The following B3GNT7 variants were observed in gnomAD, a reference collection of about 807,000 sequenced individuals.
B3GNT7 encodes UDP-GlcNAc:betaGal beta-1,3-N-acetylglucosaminyltransferase 7.
In B3GNT7, 9 loss-of-function variants were observed where a neutral mutation model predicts 5.1. The observed-to-expected ratio is 1.77, with a 90% CI of 1.07 to 3.09. The LOEUF is 3.09. B3GNT7 is among the 30% of genes most tolerant of loss of function. B3GNT7 has a pLI of 0.00. For missense variants in B3GNT7, 468 were observed against 550.8 expected (o/e 0.85, Z 1.50); for synonymous variants, 253 against 248.6 (o/e 1.02, Z -0.17).
Position 231,400,763 on chromosome 2 carries a change from C to T in B3GNT7, c.*1838C>T, listed in dbSNP as rs568648206. ...GTTGTCCTTCCCAGCTTCTCCCCAA[C>T]CTCCCCTTTTCCCTAGTTTATAAGA... On this transcript the variant is annotated 3_prime_UTR_variant, in exon 2 of 2. Coordinates refer to ENST00000287590, the MANE Select transcript of B3GNT7 (RefSeq NM_145236.3). 6.6e-6 allele frequency: 1 copy of T among 152,306 alleles called. No homozygotes were observed. The highest frequency in any genetic ancestry group is 1.5e-5 in the Non-Finnish European group (1 of 68,028). The allele number at this position is 152,306 out of a possible 1,614,324, so 9.4% of individuals were successfully genotyped here. A position where few individuals can be genotyped will look rare whatever the true frequency, so the allele number is the denominator to read the frequency against.
In B3GNT7 at chr2:231,398,298, G is replaced by T; in HGVS notation, c.579G>T (p.Leu193=). The T allele has an allele frequency of 6.2e-7, 1 of 1,613,158 alleles. No individual in the cohort carries two copies. The highest frequency in any genetic ancestry group is 2.2e-5 in the East Asian group (1 of 44,884). The change falls in exon 2 of 2, where the codon CTG becomes CTT. Residue 193 remains leucine, a synonymous_variant. Transcript: ENST00000287590. ...AGCGCACGCACTACCAGCAGCTGCT[G>T]GCCTACGAAGACCGCCTCTACGGCG... The part of the protein sequence containing the change: ...QEERTHYQQL[L]AYEDRLYGDI...
At chr2:231,397,680 C>A in intron 1 of B3GNT7, 51 bp from the exon 2 acceptor site, 1 of 1,507,392 alleles carries the variant, frequency 6.6e-7, no homozygotes, top group Non-Finnish European at 8.9e-7. Flanking sequence ...GCCAGGAGAG[C>A]CCTGGGCTCA....
At position 231,398,527 on chromosome 2, in the gene B3GNT7, C is replaced by A; in HGVS notation, c.808C>A (p.Gln270Lys). 6.2e-7 allele frequency: 1 copy of A among 1,613,630 alleles called. No individual in the cohort carries two copies. The highest frequency in any genetic ancestry group is 8.5e-7 in the Non-Finnish European group (1 of 1,179,842). The change falls in exon 2 of 2, where the codon CAG becomes AAG. Residue 270 changes from glutamine to lysine, a missense_variant. Transcript: ENST00000287590. ...AAACCTGTTCGTGGGCGATGTCCTG[C>A]AGCACGCTCGGCCCATTCGCAGGAA... Reference protein sequence around the residue: ...QENLFVGDVLQHARPIRRKDN... With the variant: ...QENLFVGDVLKHARPIRRKDN...
In B3GNT7 at chr2:231,396,430, T is replaced by G. The variant is rs2046514844; in HGVS notation, c.11+616T>G. 2.0e-5 allele frequency among the ~76,000 whole-genome samples: 3 copies of G among 152,280 alleles called. No homozygotes were observed. The South Asian group carries it at 6.2e-4, about 32-fold the overall frequency. ...GCCCTCCGTTTCCTCCCCGGAGAGCTGGACCTTGGGTCACACCCCCCAGCC... is the reference window on the plus strand; with the variant it reads ...GCCCTCCGTTTCCTCCCCGGAGAGCGGGACCTTGGGTCACACCCCCCAGCC... On this transcript the variant is annotated intron_variant, in intron 1 of 1. Coordinates refer to ENST00000287590, the MANE Select transcript of B3GNT7 (RefSeq NM_145236.3).
rs377346766 is a variant in B3GNT7 at position 231,398,037 on chromosome 2, G to T, written c.318G>T (p.Pro106=). 29 of 1,609,506 alleles carry T rather than the reference G, an allele frequency of 1.8e-5. No individual in the cohort carries two copies. The highest frequency in any genetic ancestry group is 2.2e-5 in the Non-Finnish European group (26 of 1,179,874). ...AGCCCTGGTTCCAGGTCCTGGAGCCGCAGTTCCGGCAGTTTCTCTTCTACC... is the reference window on the plus strand; with the variant it reads ...AGCCCTGGTTCCAGGTCCTGGAGCCTCAGTTCCGGCAGTTTCTCTTCTACC... ...THQPWFQVLE[P]QFRQFLFYRH... Residue 106 remains proline, a synonymous_variant, in exon 2 of 2, where the codon CCG becomes CCT. Transcript: ENST00000287590.
rs757654927 is a variant in B3GNT7 at position 231,398,234 on chromosome 2, G to A, written c.515G>A (p.Arg172His). The A allele has an allele frequency of 1.2e-5, 20 of 1,609,228 alleles. No homozygotes were observed. The East Asian group carries it at 2.0e-4, about 16-fold the overall frequency. Residue 172 changes from arginine to histidine, a missense_variant, in exon 2 of 2, where the codon CGC becomes CAC. By Grantham distance (29) the Arg-to-His change is conservative. Coordinates refer to ENST00000287590, the MANE Select transcript of B3GNT7 (RefSeq NM_145236.3). ...QSAGGGRGAV[R>H]TLFLLGTASK... ...GCGGGTGGGGGCCGAGGCGCCGTGCGCACCCTCTTCCTGCTGGGCACGGCC... is the reference window on the plus strand; with the variant it reads ...GCGGGTGGGGGCCGAGGCGCCGTGCACACCCTCTTCCTGCTGGGCACGGCC...
rs753853523 is a variant in B3GNT7 at position 231,397,860 on chromosome 2, G to A, written c.141G>A (p.Lys47=). The A allele has an allele frequency of 3.1e-5, 50 of 1,613,756 alleles. No individual in the cohort carries two copies. The highest frequency in any genetic ancestry group is 1.2e-4 in the African/African-American group (9 of 74,934). Reference sequence around the variant, plus strand: ...CGCCACCCACCCTGGAGCCACAGAAGGCCCAGAAGCCAAATGGACAGCTGG... The same window carrying A: ...CGCCACCCACCCTGGAGCCACAGAAAGCCCAGAAGCCAAATGGACAGCTGG... ...EPPPPTLEPQ[K]AQKPNGQLVN... The change falls in exon 2 of 2, where the codon AAG becomes AAA. Residue 47 remains lysine (K), a synonymous_variant. Transcript: ENST00000287590.
chr2:231,399,780 T>C lies in B3GNT7; in HGVS notation c.*855T>C, dbSNP rs1039214025. The C allele has an allele frequency of 1.1e-4, 16 of 151,898 alleles. No individual in the cohort carries two copies. Among genetic ancestry groups the C allele is most frequent in the African/African-American group, 3.4e-4 (14 of 41,282 alleles). The allele number at this position is 151,898 out of a possible 1,614,324, so 9.4% of individuals were successfully genotyped here. A position where few individuals can be genotyped will look rare whatever the true frequency, so the allele number is the denominator to read the frequency against. On this transcript the variant is annotated 3_prime_UTR_variant, in exon 2 of 2. Transcript: ENST00000287590. ...TGGACATTCCTCTATTACTGTGAAG[T>C]TTTATTTATGAAGAATTTGGAGGGA...
intron 1 of B3GNT7, chr2:231,397,195 G>C (rs2046522665): frequency 1.0e-6 from 1 of 985,510 alleles, no homozygotes; most frequent in African/African-American, 1.7e-5. Context: ...GGAGCTCCCG[G>C]GCGGCACAGA....
intron 1 of B3GNT7, among the ~76,000 whole-genome samples, chr2:231,396,445 A>C (rs1471180587): frequency 2.0e-5 from 3 of 150,332 alleles, no homozygotes; most frequent in East Asian, 2.0e-4. Context: ...CTTGGGTCAC[A>C]CCCCCCAGCC....
Position 231,399,164 on chromosome 2 carries a change from C to G in B3GNT7, c.*239C>G. 1 of 543,238 alleles carries G rather than the reference C, an allele frequency of 1.8e-6. No individual in the cohort carries two copies. Among genetic ancestry groups the G allele is most frequent in the Non-Finnish European group, 3.3e-6 (1 of 305,784 alleles). 33.7% of individuals were successfully genotyped at this position (543,238 alleles called of 1,614,324 possible). Reference sequence around the variant, plus strand: ...GAGCTGCCCAGTCTGGAGGCCCTCTCTGAGGAGCGAGGCGCCAGGCCCTGG... The same window carrying G: ...GAGCTGCCCAGTCTGGAGGCCCTCTGTGAGGAGCGAGGCGCCAGGCCCTGG... On this transcript the variant is annotated 3_prime_UTR_variant, in exon 2 of 2. Transcript: ENST00000287590.
At chr2:231,397,667 G>T in intron 1 of B3GNT7, 64 bp from the exon 2 acceptor site, 2 of 1,459,638 alleles carry the variant, frequency 1.4e-6, no homozygotes, top group East Asian at 4.6e-5. Context: ...TCCCAAGGGG[G>T]GCGCCAGGAG....
Position 231,397,883 on chromosome 2 carries a change from T to C in B3GNT7, c.164T>C (p.Leu55Pro), listed in dbSNP as rs747050205. 1.2e-6 allele frequency: 2 copies of C among 1,613,880 alleles called. No individual in the cohort carries two copies. Among genetic ancestry groups the C allele is most frequent in the South Asian group, 2.2e-5 (2 of 91,088 alleles). ...PQKAQKPNGQ[L>P]VNPNNFWKNP... ...AAGGCCCAGAAGCCAAATGGACAGC[T>C]GGTGAACCCCAACAACTTCTGGAAG... Residue 55 changes from leucine to proline, a missense_variant, in exon 2 of 2, where the codon CTG becomes CCG. Transcript: ENST00000287590.
At chr2:231,396,763 C>G (rs1355887968) in intron 1 of B3GNT7, among the ~76,000 whole-genome samples, 1 of 152,202 alleles carries the variant, frequency 6.6e-6, no homozygotes, top group Non-Finnish European at 1.5e-5. Flanking sequence ...TCCTGGCAGC[C>G]CCCGGAGGGT....
Position 231,400,444 on chromosome 2 carries a change from G to A in B3GNT7, c.*1519G>A, listed in dbSNP as rs1172527244. On this transcript the variant is annotated 3_prime_UTR_variant, in exon 2 of 2. Coordinates refer to ENST00000287590, the MANE Select transcript of B3GNT7 (RefSeq NM_145236.3). Reference sequence around the variant, plus strand: ...GGCCCCGAGGCTAATGTTTCAGTGGGTGAGATTAGGTCGGCCGTACAGAGG... The same window carrying A: ...GGCCCCGAGGCTAATGTTTCAGTGGATGAGATTAGGTCGGCCGTACAGAGG... 6.6e-6 allele frequency: 1 copy of A among 152,264 alleles called. No homozygotes were observed. The highest frequency in any genetic ancestry group is 2.4e-5 in the African/African-American group (1 of 41,438). 9.4% of individuals were successfully genotyped at this position (152,264 alleles called of 1,614,324 possible). A position where few individuals can be genotyped will look rare whatever the true frequency, so the allele number is the denominator to read the frequency against.
In B3GNT7 at chr2:231,400,441, T is replaced by C. The variant is rs937345181; in HGVS notation, c.*1516T>C. ...GTTGGCCCCGAGGCTAATGTTTCAG[T>C]GGGTGAGATTAGGTCGGCCGTACAG... On this transcript the variant is annotated 3_prime_UTR_variant, in exon 2 of 2. Transcript: ENST00000287590. 3.3e-5 allele frequency: 5 copies of C among 152,150 alleles called. No homozygotes were observed. The highest frequency in any genetic ancestry group is 1.2e-4 in the African/African-American group (5 of 41,410). 9.4% of individuals were successfully genotyped at this position (152,150 alleles called of 1,614,324 possible).
rs372066688 is a variant in B3GNT7 at position 231,400,256 on chromosome 2, G to A, written c.*1331G>A. 1.3e-5 allele frequency: 2 copies of A among 152,228 alleles called. No homozygotes were observed. Among genetic ancestry groups the A allele is most frequent in the East Asian group, 1.9e-4 (1 of 5,174 alleles). The allele number at this position is 152,228 out of a possible 1,614,324, so 9.4% of individuals were successfully genotyped here. On this transcript the variant is annotated 3_prime_UTR_variant, in exon 2 of 2. Transcript: ENST00000287590. ...AAGGACTTCTGGAAGGGATTTAGAC[G>A]GGGCTGAGTGCTAGGATTAAAGTGG...
At position 231,398,180 on chromosome 2, in the gene B3GNT7, G is replaced by T; in HGVS notation, c.461G>T (p.Arg154Leu). The change falls in exon 2 of 2, where the codon CGC (arginine) becomes CTC (leucine). Residue 154 changes from arginine (R) to leucine (L), a missense_variant. Physicochemically the swap from Arg to Leu is moderately radical, Grantham distance 102. Transcript: ENST00000287590. ...ITQHDRREAI[R>L]QTWGRERQSA... ...CAGCACGACCGCCGCGAGGCCATCC[G>T]CCAGACCTGGGGCCGCGAGCGGCAG... The T allele has an allele frequency of 6.3e-7, 1 of 1,591,266 alleles. No individual in the cohort carries two copies.
rs2046531475 is a variant in B3GNT7, at chr2:231,398,076, C to T, written c.357C>T (p.Tyr119=). The T allele has an allele frequency of 1.2e-6, 2 of 1,611,964 alleles. No homozygotes were observed. Among genetic ancestry groups the T allele is most frequent in the South Asian group, 1.1e-5 (1 of 91,070 alleles). The part of the protein sequence containing the change: ...RQFLFYRHCR[Y]FPMLLNHPEK... ...TTCTCTTCTACCGCCACTGCCGCTA[C>T]TTCCCCATGCTGCTGAACCACCCGG... is the stretch of plus-strand genomic sequence containing the variant. The change falls in exon 2 of 2, where the codon TAC becomes TAT. Residue 119 remains tyrosine, a synonymous_variant. Transcript: ENST00000287590.
Sources: allele counts gnomAD v4.1 joint callset (sites outside exome capture counted in the v4.1 genomes callset), GRCh38; gene constraint gnomAD v4.1.1; transcripts MANE v1.5; gene names NCBI Gene and HGNC (gene_info 2026-07-23, HGNC 2026-07-21).